The following CEP128 variants were observed in gnomAD, a reference collection of about 807,000 sequenced individuals.
CEP128 encodes centrosomal protein 128kDa.
In CEP128, 132 loss-of-function variants were observed where a neutral mutation model predicts 156.7. That is an observed-to-expected ratio of 0.84 (90% confidence interval 0.73 to 0.97). The LOEUF is 0.97. CEP128 is among the 50% of genes least tolerant of loss of function. The probability of loss-of-function intolerance (pLI) is 0.00; values close to 1 mark genes in which losing one functional copy is unlikely to be tolerated. For synonymous variants in CEP128, 469 were observed against 448.9 expected (o/e 1.04, Z -0.57); for missense variants, 1,252 against 1,281.9 (o/e 0.98, Z 0.36).
chr14:80,820,300 T>C (rs926265311), intron 13 of CEP128, among the ~76,000 whole-genome samples: 1 of 152,248 alleles, frequency 6.6e-6, no homozygotes, highest in Non-Finnish European at 1.5e-5. Flanking sequence ...GTTAGTTTGA[T>C]TGAATGCTAG....
upstream of CEP128, among the ~76,000 whole-genome samples, chr14:80,944,277 A>G (rs1458536741): frequency 6.6e-6 from 1 of 152,098 alleles, no homozygotes; most frequent in Non-Finnish European, 1.5e-5. Flanking sequence ...TCCTCACCCA[A>G]ATCTCTTGAA....
intron 19 of CEP128, among the ~76,000 whole-genome samples, chr14:80,638,536 G>A (rs986315132): frequency 3.3e-5 from 5 of 152,128 alleles, no homozygotes; most frequent in Admixed American, 2.6e-4. Flanking sequence ...TTATCAGAGA[G>A]GACTTTGCTG....
At chr14:80,802,437 A>C (rs936946259) in intron 13 of CEP128, among the ~76,000 whole-genome samples, 1 of 151,938 alleles carries the variant, frequency 6.6e-6, no homozygotes, top group East Asian at 1.9e-4. Context: ...TAACACAGGA[A>C]CAGAAAACCA....
chr14:80,580,176 T>A (rs574322089), intron 20 of CEP128, among the ~76,000 whole-genome samples, 198 bp downstream of exon 20: 17 of 152,202 alleles, frequency 1.1e-4, no homozygotes, highest in African/African-American at 4.1e-4. Context: ...AAAAGTAGCA[T>A]AGAGGCTGAT....
chr14:80,690,244 T>TA (rs552661665), intron 19 of CEP128, among the ~76,000 whole-genome samples: 2,872 of 116,392 alleles, frequency 0.025, 40 homozygotes, highest in Non-Finnish European at 0.026. Context: ...CTGTCTCTAT[T>TA]AAAAAAAAAA....
intron 13 of CEP128, among the ~76,000 whole-genome samples, chr14:80,813,249 T>TGCAATTGCTTTTGGAGTTTTTGTC (rs1884663654): frequency 6.6e-6 from 1 of 152,206 alleles, no homozygotes; most frequent in Non-Finnish European, 1.5e-5. Context: ...TTGTTTTTGT[T>TGCAATTGCTTTTGGAGTTTTTGTC]GCAATTGCTT....
intron 19 of CEP128, among the ~76,000 whole-genome samples, chr14:80,642,832 T>C (rs940974218): frequency 4.6e-5 from 7 of 151,800 alleles, no homozygotes; most frequent in African/African-American, 1.7e-4. Flanking sequence ...CTCAGCTCAC[T>C]ACAACCTCAG....
chr14:80,937,312 C>A (rs1448471644), intron 2 of CEP128, among the ~76,000 whole-genome samples: 1 of 152,104 alleles, frequency 6.6e-6, no homozygotes, highest in Non-Finnish European at 1.5e-5. Flanking sequence ...CAGAGTGAGA[C>A]CCTGTCTCAA....
chr14:80,707,259 C>A (rs1897261529), intron 19 of CEP128, among the ~76,000 whole-genome samples: 1 of 152,136 alleles, frequency 6.6e-6, no homozygotes, highest in Non-Finnish European at 1.5e-5. Context: ...TGGGTCTTCA[C>A]CTACTTTTGT....
chr14:80,948,783 T>C (rs1886398649), intron 2 of CEP128, among the ~76,000 whole-genome samples: 1 of 152,240 alleles, frequency 6.6e-6, no homozygotes, highest in Non-Finnish European at 1.5e-5. Context: ...TTGGTCATCA[T>C]CTTATCTCAT....
chr14:80,568,397 AC>A (rs1208108088), intron 20 of CEP128, among the ~76,000 whole-genome samples: 1 of 152,214 alleles, frequency 6.6e-6, no homozygotes, highest in African/African-American at 2.4e-5. Context: ...TTAATGACTT[AC>A]CTTTGGGCAA....
At chr14:80,680,810 T>C (rs1336730474) in intron 19 of CEP128, among the ~76,000 whole-genome samples, 1 of 152,124 alleles carries the variant, frequency 6.6e-6, no homozygotes, top group African/African-American at 2.4e-5. Flanking sequence ...CTGGATTCTC[T>C]CCTAGCACTG....
intron 19 of CEP128, among the ~76,000 whole-genome samples, chr14:80,648,441 C>T (rs1049242235): frequency 6.6e-6 from 1 of 152,020 alleles, no homozygotes; most frequent in Admixed American, 6.6e-5. Context: ...ATAATGAATG[C>T]ATTTAACTAA....
downstream of CEP128, among the ~76,000 whole-genome samples, chr14:80,487,970 G>C (rs1187848817): frequency 6.6e-6 from 1 of 150,860 alleles, no homozygotes; most frequent in African/African-American, 2.4e-5. Flanking sequence ...AAAAGAACTA[G>C]AAAAGCAAGA....
chr14:80,893,072 C>T (rs996346224), intron 8 of CEP128, among the ~76,000 whole-genome samples: 2 of 151,846 alleles, frequency 1.3e-5, no homozygotes, highest in African/African-American at 4.8e-5. Context: ...ATGGAAACAA[C>T]CTAAGTGTCT....
In CEP128 at chr14:80,749,382, G is replaced by A. The variant is rs117309388; in HGVS notation, c.2614-6115C>T. Among the ~76,000 whole-genome samples the A allele has an allele frequency of 1.1e-3, 172 of 152,280 alleles. 2 individuals are homozygous for A. The highest frequency in any genetic ancestry group is 7.1e-3 in the East Asian group (37 of 5,182). On this transcript the variant is annotated intron_variant, in intron 18 of 24. Coordinates refer to ENST00000555265, the MANE Select transcript of CEP128 (RefSeq NM_152446.5). The stretch of plus-strand genomic sequence containing the variant: ...GCCAAGATTTGGATGCAACCTAATT[G>A]TCCATCGACAGACAAATGGATAAAG...
At position 80,862,737 on chromosome 14, in the gene CEP128, T is replaced by C. The variant is rs777058773; in HGVS notation, c.762+20A>G. 4.1e-6 allele frequency: 6 copies of C among 1,458,086 alleles called. No individual in the cohort carries two copies. In the Middle Eastern group the frequency reaches 5.2e-4, roughly 127 times the overall value. 90.3% of individuals were successfully genotyped at this position (1,458,086 alleles called of 1,614,324 possible). ...ATCCAAATTCAAGATTTACATTCCA[T>C]GAAAGTGTTTTTCACAAACCTCCTG... On this transcript the variant is annotated intron_variant, in intron 9 of 24. Transcript: ENST00000555265.
chr14:80,831,857 C>G (rs1203094075), intron 12 of CEP128, among the ~76,000 whole-genome samples: 1 of 152,116 alleles, frequency 6.6e-6, no homozygotes, highest in Non-Finnish European at 1.5e-5. Flanking sequence ...ACTATAATAC[C>G]TTCTTCTAAT....
chr14:80,580,334 G>GT, intron 20 of CEP128, 40 bp downstream of exon 20: 1 of 1,374,358 alleles, frequency 7.3e-7, no homozygotes, highest in Non-Finnish European at 1.0e-6. Context: ...AAAAACAAAT[G>GT]TTTTCATACC....
Sources: gnomAD v4.1 joint callset for allele counts (sites outside exome capture counted in the v4.1 genomes callset) on GRCh38, gnomAD v4.1.1 for gene constraint, MANE v1.5 for transcripts, NCBI Gene and HGNC (gene_info 2026-07-23, HGNC 2026-07-21) for gene names.